PLCL1: variants seen among roughly 807,000 people sequenced by gnomAD.
PLCL1 encodes the protein inactive phospholipase C-like protein 1.
Under a neutral mutation model 84.4 loss-of-function variants are expected in PLCL1, and 41 were observed. That is an observed-to-expected ratio of 0.49 (90% CI 0.38 to 0.63). The LOEUF (loss-of-function observed/expected upper bound fraction) is 0.63, where lower values mean the gene tolerates loss of function less well. PLCL1 is among the 30% of genes least tolerant of loss of function. The pLI, the probability that PLCL1 is intolerant of heterozygous loss-of-function variation, is 0.00. For missense variants in PLCL1, 1,206 were observed against 1,367.8 expected, an observed-to-expected ratio of 0.88 and a Z score of 1.87; for synonymous variants, 490 against 488.3, an observed-to-expected ratio of 1.00 and a Z score of -0.05.
chr2:197,914,819 G>C (rs1688560099), intron 1 of PLCL1, among the ~76,000 whole-genome samples: 1 of 152,152 alleles, frequency 6.6e-6, no homozygotes, highest in Non-Finnish European at 1.5e-5. Context: ...TTTAACTGAT[G>C]TAAGTAGGAC....
In PLCL1 at chr2:197,869,375, C is replaced by CT. The variant is rs937171660; in HGVS notation, c.240+64046dup. On this transcript the variant is annotated intron_variant, in intron 1 of 5. Transcript: ENST00000428675. ...CTCCCCTGAATTTACGTATCTTTTT[C>CT]TTTTTTTTTTGCCTAAATGGGGATA... Among the ~76,000 whole-genome samples, 197 of 146,372 alleles carry CT rather than the reference C, an allele frequency of 1.3e-3. 1 individual carries two copies. The highest frequency in any genetic ancestry group is 3.1e-3 in the African/African-American group (126 of 40,026).
intron 1 of PLCL1, among the ~76,000 whole-genome samples, chr2:197,863,729 A>G (rs1408525893): frequency 6.6e-6 from 1 of 152,210 alleles, no homozygotes; most frequent in Non-Finnish European, 1.5e-5. Context: ...GGGGAAAATT[A>G]CATTGTGAGA....
At chr2:198,017,872 G>C (rs1465471908) in intron 1 of PLCL1, among the ~76,000 whole-genome samples, 1 of 152,192 alleles carries the variant, frequency 6.6e-6, no homozygotes, top group African/African-American at 2.4e-5. Flanking sequence ...TCTTGATTGT[G>C]TGGGAATTTC....
At chr2:197,959,386 C>T (rs1013778597) in intron 1 of PLCL1, among the ~76,000 whole-genome samples, 3 of 151,974 alleles carry the variant, frequency 2.0e-5, no homozygotes, top group Non-Finnish European at 4.4e-5. Flanking sequence ...AAGACCTACC[C>T]ACATTGTGGA....
chr2:197,908,708 A>G (rs2105744063), intron 1 of PLCL1, among the ~76,000 whole-genome samples: 1 of 152,338 alleles, frequency 6.6e-6, no homozygotes, highest in African/African-American at 2.4e-5. Context: ...ATTTAATGAC[A>G]TTTAATATCC....
chr2:198,147,247 AAAG>A lies in PLCL1; in HGVS notation c.*287_*289del. On this transcript the variant is annotated 3_prime_UTR_variant, in exon 6 of 6. Transcript: ENST00000428675. Reference sequence around the variant, plus strand: ...GTGTGTGTGTGTGGCAGAGAGAGAGAAAGAGAGAGAGAGAGAGAAATTCTGTTA... The same window carrying A: ...GTGTGTGTGTGTGGCAGAGAGAGAGAAGAGAGAGAGAGAGAAATTCTGTTA... The A allele has an allele frequency of 8.9e-6, 2 of 225,762 alleles. No homozygotes were observed. Among genetic ancestry groups the A allele is most frequent in the Non-Finnish European group, 8.5e-6 (1 of 117,528 alleles). 14.0% of individuals were successfully genotyped at this position (225,762 alleles called of 1,614,324 possible).
chr2:197,873,887 TTTTG>T (rs1417473215), intron 1 of PLCL1, among the ~76,000 whole-genome samples: 2 of 152,204 alleles, frequency 1.3e-5, no homozygotes, highest in African/African-American at 2.4e-5. Context: ...TTTGCTTATT[TTTTG>T]TTGGAAACCC....
At chr2:197,958,484 G>T (rs1442479815) in intron 1 of PLCL1, among the ~76,000 whole-genome samples, 2 of 151,998 alleles carry the variant, frequency 1.3e-5, no homozygotes, top group Non-Finnish European at 2.9e-5. Flanking sequence ...AGACAAGTTT[G>T]CTCCAAACTA....
chr2:198,087,755 T>C (rs1692919921), intron 2 of PLCL1, among the ~76,000 whole-genome samples: 1 of 152,158 alleles, frequency 6.6e-6, no homozygotes, highest in Non-Finnish European at 1.5e-5. Context: ...ATGTGCTTAT[T>C]TCATATTGCA....
At chr2:197,814,517 A>G (rs965959958) in intron 1 of PLCL1, among the ~76,000 whole-genome samples, 3 of 152,168 alleles carry the variant, frequency 2.0e-5, no homozygotes, top group Non-Finnish European at 2.9e-5. Context: ...ACACAACAAT[A>G]TTGAAATTAG....
intron 1 of PLCL1, among the ~76,000 whole-genome samples, chr2:197,980,397 G>A (rs766618987): frequency 6.6e-6 from 1 of 152,186 alleles, no homozygotes; most frequent in Non-Finnish European, 1.5e-5. Flanking sequence ...AATTTACCAG[G>A]TGCTCCATGC....
intron 1 of PLCL1, among the ~76,000 whole-genome samples, chr2:197,892,951 C>T (rs370944634): frequency 1.3e-5 from 2 of 152,062 alleles, no homozygotes; most frequent in East Asian, 1.9e-4. Context: ...GCTGAGATCG[C>T]GCCACTGCAC....
intron 1 of PLCL1, among the ~76,000 whole-genome samples, chr2:197,818,940 G>C (rs1690748018): frequency 6.6e-6 from 1 of 152,080 alleles, no homozygotes; most frequent in African/African-American, 2.4e-5. Context: ...GACAGGGGCT[G>C]GTGAGGGATG....
In PLCL1 at chr2:197,814,912, G is replaced by C. The variant is rs192629700; in HGVS notation, c.240+9573G>C. 1.2e-3 allele frequency among the ~76,000 whole-genome samples: 182 copies of C among 152,276 alleles called. 3 individuals are homozygous for C. Among genetic ancestry groups the C allele is most frequent in the African/African-American group, 4.1e-3 (171 of 41,566 alleles). On this transcript the variant is annotated intron_variant, in intron 1 of 5. Transcript: ENST00000428675. ...TGTGAAGGCTGATAGGGGCGAGGAAGCTGTGGAAGAAAAGTTGGAAGCTAG... is the reference window on the plus strand; with the variant it reads ...TGTGAAGGCTGATAGGGGCGAGGAACCTGTGGAAGAAAAGTTGGAAGCTAG...
At chr2:198,008,482 C>T (rs1182452854) in intron 1 of PLCL1, among the ~76,000 whole-genome samples, 2 of 151,842 alleles carry the variant, frequency 1.3e-5, no homozygotes, top group Non-Finnish European at 2.9e-5. Context: ...GTGACTATTT[C>T]ACTTAACGTA....
At chr2:198,036,464 T>C (rs890009278) in intron 1 of PLCL1, among the ~76,000 whole-genome samples, 4 of 152,248 alleles carry the variant, frequency 2.6e-5, no homozygotes, top group African/African-American at 7.2e-5. Context: ...AAACATGCTA[T>C]TGATAAAATC....
intron 1 of PLCL1, among the ~76,000 whole-genome samples, chr2:197,835,492 G>A (rs700675): frequency 0.73 from 110,736 of 152,064 alleles, 41,397 homozygotes; most frequent in African/African-American, 0.9. Context: ...GGCAACCATC[G>A]TTATACTTTC....
intron 5 of PLCL1, among the ~76,000 whole-genome samples, chr2:198,124,226 G>A (rs903944705): frequency 3.3e-5 from 5 of 152,006 alleles, no homozygotes; most frequent in Admixed American, 6.6e-5. Context: ...CTTAACCAGC[G>A]TGATTAGAAT....
chr2:197,982,462 A>G (rs1574982417), intron 1 of PLCL1, among the ~76,000 whole-genome samples: 2 of 152,104 alleles, frequency 1.3e-5, no homozygotes, highest in East Asian at 3.9e-4. Flanking sequence ...CTAAGAAATT[A>G]ATCTTCTTTT....
Sources: gnomAD v4.1 joint callset for allele counts (sites outside exome capture counted in the v4.1 genomes callset) on GRCh38, gnomAD v4.1.1 for gene constraint, MANE v1.5 for transcripts, NCBI Gene and HGNC (gene_info 2026-07-23, HGNC 2026-07-21) for gene names.